The following IPO8 variants were observed in gnomAD, a reference collection of about 807,000 sequenced individuals.
IPO8 encodes importin-8.
Under a neutral mutation model 141.2 loss-of-function variants are expected in IPO8, and 65 were observed. That is an observed-to-expected ratio of 0.46 (90% CI 0.38 to 0.57). IPO8 has a LOEUF of 0.57. Among genes scored for constraint, IPO8 ranks in the 20% least tolerant of loss-of-function variants. IPO8 has a pLI of 0.00. For synonymous variants in IPO8, 411 were observed against 420.3 expected (o/e 0.98, Z 0.27); for missense variants, 980 against 1,246.8 (o/e 0.79, Z 3.22).
In IPO8 at chr12:30,665,258, G is replaced by C. The variant is rs146708732; in HGVS notation, c.1390C>G (p.Pro464Ala). ...MELFLQNHVF[P>A]LLLSNLGYLR... is the part of the protein sequence containing the mutation. ...TATCCCAGGTTAGACAATAATAATGGAAATACATGATTTTGTAGAAACAGC... is the reference window on the plus strand; with the variant it reads ...TATCCCAGGTTAGACAATAATAATGCAAATACATGATTTTGTAGAAACAGC... The change falls in exon 13 of 25, where the codon CCA becomes GCA. Residue 464 changes from proline to alanine, a missense_variant. Physicochemically the swap from Pro to Ala is conservative, Grantham distance 27 (BLOSUM62 -1). Around this residue, in one of 3 missense-constraint regions of IPO8, gnomAD observed 924 missense variants for 1,153.9 expected, o/e 0.80. Coordinates refer to ENST00000256079, the MANE Select transcript of IPO8 (RefSeq NM_006390.4). The C allele has an allele frequency of 6.2e-7, 1 of 1,600,100 alleles. No homozygotes were observed. Among genetic ancestry groups the C allele is most frequent in the South Asian group, 1.1e-5 (1 of 89,572 alleles).
chr12:30,641,753 G>A (rs1052205369), intron 20 of IPO8, among the ~76,000 whole-genome samples: 1 of 152,042 alleles, frequency 6.6e-6, no homozygotes, highest in African/African-American at 2.4e-5. Flanking sequence ...AATAATGTTG[G>A]TATAATTAGT....
intron 16 of IPO8, among the ~76,000 whole-genome samples, chr12:30,657,673 C>T (rs761152842): frequency 1.3e-5 from 2 of 151,950 alleles, no homozygotes; most frequent in African/African-American, 4.8e-5. Flanking sequence ...TCCACTAAAC[C>T]GGGACTGGTG....
chr12:30,695,031 AG>A lies in IPO8; in HGVS notation c.84+532del, dbSNP rs2053324230. 1 of 455,832 alleles carries A rather than the reference AG, an allele frequency of 2.2e-6. No individual in the cohort carries two copies. Among genetic ancestry groups the A allele is most frequent in the East Asian group, 7.0e-5 (1 of 14,382 alleles). 28.2% of individuals were successfully genotyped at this position (455,832 alleles called of 1,614,324 possible). A position where few individuals can be genotyped will look rare whatever the true frequency, so the allele number is the denominator to read the frequency against. On this transcript the variant is annotated intron_variant, in intron 1 of 24. Coordinates refer to ENST00000256079, the MANE Select transcript of IPO8 (RefSeq NM_006390.4). This position sits in a 1 kb window ranked among gnomAD's most constrained non-coding sequence, Gnocchi z 4.2. Reference sequence around the variant, plus strand: ...ACCATGAAAACTGCCTATTCTTCCCAGAGCACTCTCCCAACAGCACTGCCCA... The same window carrying A: ...ACCATGAAAACTGCCTATTCTTCCCAAGCACTCTCCCAACAGCACTGCCCA...
chr12:30,669,401 G>A, intron 9 of IPO8, 119 bp from the exon 10 acceptor site: 1 of 498,808 alleles, frequency 2.0e-6, no homozygotes, highest in South Asian at 3.9e-5. Context: ...CTCTGTGTGT[G>A]TGTAAAATGT....
chr12:30,686,590 C>T (rs1230493243), intron 2 of IPO8: 2 of 152,182 alleles, frequency 1.3e-5, no homozygotes, highest in Non-Finnish European at 2.9e-5. Context: ...TCAAGTGATC[C>T]ACCCACCTCA....
chr12:30,660,675 C>T (rs1565500594), intron 16 of IPO8, among the ~76,000 whole-genome samples: 1 of 152,002 alleles, frequency 6.6e-6, no homozygotes, highest in South Asian at 2.1e-4. Flanking sequence ...TGCTTTTCAG[C>T]TCTTTCATTT....
Position 30,669,292 on chromosome 12 carries a change from G to T in IPO8, c.1045-10C>A. 19 of 899,874 alleles carry T rather than the reference G, an allele frequency of 2.1e-5. No homozygotes were observed. Among genetic ancestry groups the T allele is most frequent in the Non-Finnish European group, 2.8e-5 (18 of 634,932 alleles). 55.7% of individuals were successfully genotyped at this position (899,874 alleles called of 1,614,324 possible). A position where few individuals can be genotyped will look rare whatever the true frequency, so the allele number is the denominator to read the frequency against. ...CATCTTCAGAGATATTCTAAAATGA[G>T]AAAAAAAAAAAAACGTAACAAATGG... On this transcript the variant is annotated splice_polypyrimidine_tract_variant and intron_variant, in intron 9 of 24. Transcript: ENST00000256079.
chr12:30,661,391 CT>C (rs2052885513), intron 15 of IPO8, 125 bp from the exon 16 acceptor site: 1 of 685,290 alleles, frequency 1.5e-6, no homozygotes, highest in African/African-American at 1.9e-5. Flanking sequence ...GAAGTCTGCA[CT>C]TTGCTGACTG....
intron 17 of IPO8, among the ~76,000 whole-genome samples, chr12:30,653,358 T>G (rs951729939): frequency 6.6e-6 from 1 of 152,034 alleles, no homozygotes; most frequent in Admixed American, 6.5e-5. Context: ...AAATAAAGTT[T>G]TTTTCTATTT....
rs917839253 is a variant in IPO8, at chr12:30,676,878, G to T, written c.640-291C>A. 7.2e-5 allele frequency: 104 copies of T among 1,437,122 alleles called. No individual in the cohort carries two copies. The Middle Eastern group carries it at 1.1e-3, about 15-fold the overall frequency. 89.0% of individuals were successfully genotyped at this position (1,437,122 alleles called of 1,614,324 possible). ...TTATTCAGCATGAGATTCTAAGTGA[G>T]TGATTTTTATGACTTACCCCTTTGA... On this transcript the variant is annotated intron_variant, in intron 5 of 24. Transcript: ENST00000256079.
chr12:30,683,657 C>T (rs1057341734), intron 3 of IPO8, among the ~76,000 whole-genome samples: 3 of 152,166 alleles, frequency 2.0e-5, no homozygotes, highest in Non-Finnish European at 4.4e-5. Flanking sequence ...AAATTCAGTT[C>T]CTCAGTTACA....
At position 30,666,200 on chromosome 12, in the gene IPO8, T is replaced by C. The variant is rs763349818; in HGVS notation, c.1196A>G (p.Tyr399Cys). The C allele has an allele frequency of 6.3e-6, 10 of 1,594,804 alleles. No individual in the cohort carries two copies. Among genetic ancestry groups the C allele is most frequent in the East Asian group, 2.2e-5 (1 of 44,634 alleles). ...SPTTAAQTLL[Y>C]TAAKKRKEVL... ...CTCTTTTCTTTTCTTTGCAGCAGTA[T>C]ATAAGAGAGTCTGGGCTGCTGTGGT... The change falls in exon 11 of 25, where the codon TAT becomes TGT. Residue 399 changes from tyrosine (Y) to cysteine (C), a missense_variant. By Grantham distance (194) the Tyr-to-Cys change is radical. Around this residue, in one of 3 missense-constraint regions of IPO8, gnomAD observed 924 missense variants for 1,153.9 expected, o/e 0.80. Coordinates refer to ENST00000256079, the MANE Select transcript of IPO8 (RefSeq NM_006390.4).
chr12:30,647,634 C>A (rs1208995112), intron 20 of IPO8, among the ~76,000 whole-genome samples: 5 of 136,802 alleles, frequency 3.7e-5, no homozygotes, highest in South Asian at 2.3e-4. Context: ...AAGACACCAA[C>A]CACAAGCAAT....
At chr12:30,647,837 C>T (rs542571552) in intron 20 of IPO8, among the ~76,000 whole-genome samples, 24 of 152,158 alleles carry the variant, frequency 1.6e-4, no homozygotes, top group Non-Finnish European at 2.9e-4. Context: ...TCCGATTAGA[C>T]ATTTCTCCAA....
At chr12:30,655,294 C>T (rs192914756) in intron 17 of IPO8, among the ~76,000 whole-genome samples, 1 of 152,158 alleles carries the variant, frequency 6.6e-6, no homozygotes, top group Non-Finnish European at 1.5e-5. Context: ...CAAGCCCTGG[C>T]AACCACTGGT....
intron 15 of IPO8, 112 bp downstream of exon 15, chr12:30,662,215 T>C (rs1305488789): frequency 3.8e-6 from 3 of 779,312 alleles, no homozygotes; most frequent in Non-Finnish European, 6.3e-6. Context: ...TTGACTGAAA[T>C]GTTGTTAAGC....
intron 7 of IPO8, 123 bp downstream of exon 7, chr12:30,674,536 G>T: frequency 1.4e-6 from 1 of 729,148 alleles, no homozygotes; most frequent in Non-Finnish European, 2.4e-6. Flanking sequence ...CAAAGCCAAT[G>T]ATTAAAATTA....
chr12:30,692,758 G>A (rs975784834), intron 1 of IPO8, among the ~76,000 whole-genome samples: 3 of 151,966 alleles, frequency 2.0e-5, no homozygotes, highest in African/African-American at 7.3e-5. Flanking sequence ...CAAGTTGAGG[G>A]CCTTTTCTGA....
At chr12:30,659,716 A>C (rs548940772) in intron 16 of IPO8, among the ~76,000 whole-genome samples, 93 of 151,682 alleles carry the variant, frequency 6.1e-4, no homozygotes, top group African/African-American at 2.2e-3. Context: ...TTAGCTGGGC[A>C]TGGTGGCGGG....
Sources: gnomAD v4.1 joint callset for allele counts (sites outside exome capture counted in the v4.1 genomes callset) on GRCh38, gnomAD v4.1.1 for gene constraint, gnomAD v4.1.1 regional missense constraint, Gnocchi (gnomAD v3.1) non-coding constraint, MANE v1.5 for transcripts, NCBI Gene and HGNC (gene_info 2026-07-23, HGNC 2026-07-21) for gene names.